ARAP2: variants seen among roughly 807,000 people sequenced by gnomAD.
The protein encoded by ARAP2 is ArfGAP with RhoGAP domain, ankyrin repeat and PH domain 2.
ARAP2 carries 148 observed loss-of-function variants against 194.5 expected under a neutral mutation model. The observed-to-expected ratio is 0.76, with a 90% CI of 0.67 to 0.87. ARAP2 has a LOEUF of 0.87. Among genes scored for constraint, ARAP2 ranks in the 40% least tolerant of loss-of-function variants. The probability of loss-of-function intolerance (pLI) is 0.00; values close to 1 mark genes in which losing one functional copy is unlikely to be tolerated. For missense variants in ARAP2, 2,128 were observed against 1,989.7 expected (o/e 1.07, Z -1.32); for synonymous variants, 695 against 683.5 (o/e 1.02, Z -0.26).
intron 11 of ARAP2, among the ~76,000 whole-genome samples, chr4:36,162,673 A>G (rs539360917): frequency 6.7e-6 from 1 of 150,074 alleles, no homozygotes; most frequent in Admixed American, 6.7e-5. Context: ...AGAAATCTGC[A>G]TAGGTTTGCA....
intron 22 of ARAP2, among the ~76,000 whole-genome samples, chr4:36,122,571 A>G (rs937276202): frequency 6.6e-6 from 1 of 151,778 alleles, no homozygotes; most frequent in Non-Finnish European, 1.5e-5. Context: ...TGATGAGAAT[A>G]CATAGCAAAC....
intron 26 of ARAP2, among the ~76,000 whole-genome samples, chr4:36,110,192 T>C (rs941840101): frequency 1.3e-5 from 2 of 151,908 alleles, no homozygotes; most frequent in East Asian, 1.9e-4. Context: ...TGTACACATA[T>C]GTAAGCCTTC....
Position 36,083,259 on chromosome 4 carries a change from A to C in ARAP2, c.4508+109T>G. 3.6e-6 allele frequency: 3 copies of C among 830,384 alleles called. No individual in the cohort carries two copies. In the Admixed American group the frequency reaches 8.7e-5, roughly 24 times the overall value. 51.4% of individuals were successfully genotyped at this position (830,384 alleles called of 1,614,324 possible). A position where few individuals can be genotyped will look rare whatever the true frequency, so the allele number is the denominator to read the frequency against. On this transcript the variant is annotated intron_variant, in intron 29 of 32. Coordinates refer to ENST00000303965, the MANE Select transcript of ARAP2 (RefSeq NM_015230.4). ...GGAAGCAACTTAAAAAAAATAGCCT[A>C]AAACTTACTTTATAAAAAGTTAGAC...
In ARAP2 at chr4:36,229,023, G is replaced by A. The variant is rs750045199; in HGVS notation, c.464C>T (p.Thr155Ile). ...CAAATTCAGGTGTGGTTCCTCTGCAGTGGGGAAGTCGCGTTTAGGAGGAGA... is the reference window on the plus strand; with the variant it reads ...CAAATTCAGGTGTGGTTCCTCTGCAATGGGGAAGTCGCGTTTAGGAGGAGA... ...KLSPPKRDFP[T>I]AEEPHLNLGS... Residue 155 changes from threonine to isoleucine, a missense_variant, in exon 2 of 33, where the codon ACT becomes ATT. Thr to Ile is a moderately conservative substitution (Grantham distance 89, BLOSUM62 -1). Coordinates refer to ENST00000303965, the MANE Select transcript of ARAP2 (RefSeq NM_015230.4). The A allele has an allele frequency of 6.2e-7, 1 of 1,614,154 alleles. No homozygotes were observed. Among genetic ancestry groups the A allele is most frequent in the Non-Finnish European group, 8.5e-7 (1 of 1,180,008 alleles).
chr4:36,178,899 G>C (rs917565078), intron 8 of ARAP2, among the ~76,000 whole-genome samples: 1 of 152,132 alleles, frequency 6.6e-6, no homozygotes, highest in African/African-American at 2.4e-5. Context: ...TGAGGATGAA[G>C]AGCAATTCAA....
At position 36,206,675 on chromosome 4, in the gene ARAP2, G is replaced by C. The variant is rs376445969; in HGVS notation, c.1487+3715C>G. Among the ~76,000 whole-genome samples, 59 of 152,078 alleles carry C rather than the reference G, an allele frequency of 3.9e-4. No individual in the cohort carries two copies. The East Asian group carries it at 7.2e-3, about 18-fold the overall frequency. ...TCCAATTATTATACTTTTGTCTTTG[G>C]GTTTTATCACTATTCACATATATAT... On this transcript the variant is annotated intron_variant, in intron 6 of 32. Transcript: ENST00000303965.
intron 1 of ARAP2, among the ~76,000 whole-genome samples, chr4:36,233,032 A>ATCTGATTCC (rs1751797993): frequency 6.6e-6 from 1 of 152,140 alleles, no homozygotes; most frequent in South Asian, 2.1e-4. Flanking sequence ...TGGTTAATGA[A>ATCTGATTCC]TCTGATTCCT....
intron 28 of ARAP2, among the ~76,000 whole-genome samples, chr4:36,085,510 T>C (rs891338190): frequency 2.4e-4 from 36 of 152,204 alleles, no homozygotes; most frequent in Admixed American, 1.8e-3. Flanking sequence ...TAACATAACA[T>C]TTTTTACCTA....
intron 1 of ARAP2, among the ~76,000 whole-genome samples, chr4:36,060,235 C>T (rs570633660): frequency 7.8e-4 from 119 of 152,200 alleles, no homozygotes; most frequent in Middle Eastern, 3.4e-3. Flanking sequence ...TTGAAAGGTT[C>T]AGCAACATTC....
chr4:36,239,910 T>A (rs576565348), intron 1 of ARAP2, among the ~76,000 whole-genome samples: 11 of 152,266 alleles, frequency 7.2e-5, no homozygotes, highest in Non-Finnish European at 1.5e-4. Context: ...GTCTTACAAG[T>A]ATGGTAACAC....
At chr4:36,143,271 T>G (rs922694769) in intron 19 of ARAP2, among the ~76,000 whole-genome samples, 2 of 151,750 alleles carry the variant, frequency 1.3e-5, no homozygotes, top group African/African-American at 4.8e-5. Flanking sequence ...TAGGTAGGAA[T>G]TCTATGGACA....
intron 26 of ARAP2, among the ~76,000 whole-genome samples, chr4:36,112,671 C>T (rs1157768384): frequency 6.6e-6 from 1 of 151,356 alleles, no homozygotes; most frequent in African/African-American, 2.4e-5. Flanking sequence ...ATACTAGGCA[C>T]TATGCTAGAC....
chr4:36,076,190 T>C (rs1003918396), intron 31 of ARAP2, among the ~76,000 whole-genome samples: 7 of 152,140 alleles, frequency 4.6e-5, no homozygotes, highest in South Asian at 2.1e-4. Context: ...ATTTAGGTGG[T>C]CAATAATTTG....
At chr4:36,018,327 C>T (rs1319352416) in intron 6 of ARAP2, among the ~76,000 whole-genome samples, 2 of 152,012 alleles carry the variant, frequency 1.3e-5, no homozygotes, top group Non-Finnish European at 1.5e-5. Flanking sequence ...ACCCAACCCA[C>T]TTGCTCCGAT....
intron 14 of ARAP2, 25 bp downstream of exon 14, chr4:36,159,306 G>C: frequency 6.4e-7 from 1 of 1,564,290 alleles, no homozygotes; most frequent in Non-Finnish European, 8.7e-7. Context: ...GAAGAGACCA[G>C]GTTAATGAAG....
chr4:36,166,781 TA>T (rs1735378412), intron 10 of ARAP2, 150 bp downstream of exon 10: 2 of 408,454 alleles, frequency 4.9e-6, no homozygotes, highest in Non-Finnish European at 8.6e-6. Context: ...AAGGTGTTTT[TA>T]TATAGTGGCT....
At chr4:36,215,251 A>G (rs927727652) in intron 2 of ARAP2, among the ~76,000 whole-genome samples, 8 of 152,232 alleles carry the variant, frequency 5.3e-5, no homozygotes, top group African/African-American at 1.9e-4. Context: ...ATATAAATCA[A>G]TGGAATTGAA....
At chr4:36,203,842 T>C (rs1744966441) in intron 6 of ARAP2, among the ~76,000 whole-genome samples, 2 of 151,808 alleles carry the variant, frequency 1.3e-5, no homozygotes, top group Non-Finnish European at 2.9e-5. Context: ...AAAATACCAC[T>C]AAGGTAAAAG....
intron 8 of ARAP2, among the ~76,000 whole-genome samples, chr4:36,014,322 GAGAGAAAGAA>G (rs1352941187): frequency 0.019 from 2,420 of 128,210 alleles, 60 homozygotes; most frequent in Middle Eastern, 0.028. Context: ...AAGAAAGAAA[GAGAGAAAGAA>G]AGAAAGAAAG....
Sources: gnomAD v4.1 joint callset for allele counts (sites outside exome capture counted in the v4.1 genomes callset) on GRCh38, gnomAD v4.1.1 for gene constraint, MANE v1.5 for transcripts, NCBI Gene and HGNC (gene_info 2026-07-23, HGNC 2026-07-21) for gene names.